PLAUR: variants seen among roughly 807,000 people sequenced by gnomAD.
PLAUR encodes plasminogen activator, urokinase receptor.
A neutral mutation model predicts 33.4 loss-of-function variants in PLAUR; 22 were observed. The observed-to-expected ratio is 0.66, with a 90% CI of 0.47 to 0.94. PLAUR has a LOEUF of 0.94. PLAUR is among the 40% of genes least tolerant of loss of function. The pLI, the probability that PLAUR is intolerant of heterozygous loss-of-function variation, is 0.00. For synonymous variants in PLAUR, 148 were observed against 167.3 expected, an observed-to-expected ratio of 0.88 and a Z score of 0.89; for missense variants, 408 against 434.7, an observed-to-expected ratio of 0.94 and a Z score of 0.55.
chr19:43,657,924 T>C (rs1411304428), intron 3 of PLAUR, among the ~76,000 whole-genome samples: 1 of 152,110 alleles, frequency 6.6e-6, no homozygotes, highest in Non-Finnish European at 1.5e-5. Flanking sequence ...TAGGGCTGGC[T>C]GGGTGCAGCA....
downstream of PLAUR, chr19:43,648,467 C>T (rs940722360): frequency 4.2e-5 from 21 of 497,348 alleles, no homozygotes; most frequent in Middle Eastern, 1.0e-3. Context: ...GACTTCCAAC[C>T]TAGGCAGGGG....
At chr19:43,651,433 A>G (rs944934721) in intron 6 of PLAUR, among the ~76,000 whole-genome samples, 10 of 150,102 alleles carry the variant, frequency 6.7e-5, no homozygotes, top group African/African-American at 2.4e-4. Context: ...ATAAACAATA[A>G]AGAGTTTTTT....
At chr19:43,662,513 A>G (rs1967046200) in intron 3 of PLAUR, among the ~76,000 whole-genome samples, 1 of 152,036 alleles carries the variant, frequency 6.6e-6, no homozygotes, top group South Asian at 2.1e-4. Context: ...ATAAATAAAT[A>G]AATAATTGCG....
At position 43,667,630 on chromosome 19, in the gene PLAUR, G is replaced by T; in HGVS notation, c.117C>A (p.Cys39Ter). Residue 39 changes from cysteine (C) to a stop codon, truncating the protein, a stop_gained, in exon 2 of 7, where the codon TGC becomes TGA. Transcript: ENST00000340093. LOFTEE classifies it high-confidence loss of function. ...TCCTGCAGAGGTCCTGTCCCAGGGC[G>T]CACTCTTCCACACGGCAATCCCCGT... Reference protein sequence around the residue: ...KTNGDCRVEECALGQDLCRTT... With the variant: ...KTNGDCRVEE 1 of 1,613,986 alleles carries T rather than the reference G, an allele frequency of 6.2e-7. No homozygotes were observed. The highest frequency in any genetic ancestry group is 1.1e-5 in the South Asian group (1 of 91,076).
chr19:43,646,247 T>C, downstream of PLAUR: 2 of 509,258 alleles, frequency 3.9e-6, no homozygotes, highest in South Asian at 4.5e-5. Context: ...CCTTCCATGA[T>C]GTTTTGATAT....
At chr19:43,664,461 T>C (rs1967140314) in intron 3 of PLAUR, among the ~76,000 whole-genome samples, 1 of 152,214 alleles carries the variant, frequency 6.6e-6, no homozygotes, top group Non-Finnish European at 1.5e-5. Context: ...GTCTTTTTCT[T>C]AAAATGATCA....
chr19:43,665,275 G>T, intron 3 of PLAUR, 41 bp downstream of exon 3: 1 of 1,603,582 alleles, frequency 6.2e-7, no homozygotes, highest in Non-Finnish European at 8.5e-7. Flanking sequence ...TTGAGCTGGG[G>T]ATGGCTTGGG....
intron 6 of PLAUR, 132 bp from the exon 7 acceptor site, chr19:43,649,275 C>G: frequency 1.9e-6 from 2 of 1,028,420 alleles, no homozygotes; most frequent in Non-Finnish European, 2.8e-6. Context: ...GTTCTCAGGG[C>G]CAGGTGTGGT....
At position 43,659,237 on chromosome 19, in the gene PLAUR, C is replaced by T. The variant is rs1175073539; in HGVS notation, c.311-2597G>A. Among the ~76,000 whole-genome samples, 3 of 135,240 alleles carry T rather than the reference C, an allele frequency of 2.2e-5. No homozygotes were observed. In the Admixed American group the frequency reaches 2.6e-4, roughly 12 times the overall value. 88.7% of individuals were successfully genotyped at this position (135,240 alleles called of 152,430 possible). On this transcript the variant is annotated intron_variant, in intron 3 of 6. Coordinates refer to ENST00000340093, the MANE Select transcript of PLAUR (RefSeq NM_002659.4). ...GGAGTGCAGTGGCTCACTGCCACCT[C>T]GACCTCCCTGAGCTCAGGTGATTCT...
intron 5 of PLAUR, among the ~76,000 whole-genome samples, chr19:43,654,731 C>T (rs940577978): frequency 9.9e-5 from 15 of 150,924 alleles, no homozygotes; most frequent in African/African-American, 3.7e-4. Context: ...GAGACCCTGT[C>T]CCCCCCATAC....
At chr19:43,659,930 C>T (rs1451667680) in intron 3 of PLAUR, among the ~76,000 whole-genome samples, 1 of 152,062 alleles carries the variant, frequency 6.6e-6, no homozygotes, top group Non-Finnish European at 1.5e-5. Flanking sequence ...AAAACATATC[C>T]TTTCTTCTGT....
rs1422231952 is a variant in PLAUR at position 43,656,514 on chromosome 19, T to A, written c.437A>T (p.Asp146Val). 1.9e-6 allele frequency: 3 copies of A among 1,608,836 alleles called. No homozygotes were observed. Among genetic ancestry groups the A allele is most frequent in the Non-Finnish European group, 2.5e-6 (3 of 1,176,938 alleles). The change falls in exon 4 of 7, where the codon GAT (aspartate) becomes GTT (valine). Residue 146 changes from aspartate (D) to valine (V), a missense_variant. By Grantham distance (152) the Asp-to-Val change is radical. Transcript: ENST00000340093. ...TTCCTGGATCCAGTGGGTCACCACA[T>A]CCAGGCACTGTTCTTCAGGGCTGCG... Reference protein sequence around the residue: ...QCRSPEEQCLDVVTHWIQEGE... With the variant: ...QCRSPEEQCLVVVTHWIQEGE...
rs1974314413 is a variant in PLAUR, at chr19:43,658,808, C to T, written c.311-2168G>A. ...CATTTACATCCAAAGCCCAATCGTC[C>T]CCCTCAAAGAAAAATAACTACAAGG... On this transcript the variant is annotated intron_variant, in intron 3 of 6. Coordinates refer to ENST00000340093, the MANE Select transcript of PLAUR (RefSeq NM_002659.4). 2.0e-5 allele frequency among the ~76,000 whole-genome samples: 3 copies of T among 152,116 alleles called. No individual in the cohort carries two copies. In the South Asian group the frequency reaches 6.2e-4, roughly 32 times the overall value.
In PLAUR at chr19:43,650,008, C is replaced by CTTT. The variant is rs200384971; in HGVS notation, c.755-868_755-866dup. ...AAATAATGCCAGTTTTCTCATTACG[C>CTTT]TTTTTTTTTGTTTTTTTTTTTGAGA... On this transcript the variant is annotated intron_variant, in intron 6 of 6. Transcript: ENST00000340093. Among the ~76,000 whole-genome samples the CTTT allele has an allele frequency of 2.3e-3, 319 of 137,262 alleles. 3 individuals carry two copies. The highest frequency in any genetic ancestry group is 7.9e-3 in the Middle Eastern group (2 of 252). The allele number at this position is 137,262 out of a possible 152,430, so 90.0% of individuals were successfully genotyped here. A position where few individuals can be genotyped will look rare whatever the true frequency, so the allele number is the denominator to read the frequency against.
chr19:43,667,410 A>G, intron 2 of PLAUR, 171 bp downstream of exon 2: 1 of 615,102 alleles, frequency 1.6e-6, no homozygotes, highest in Admixed American at 2.6e-5. Flanking sequence ...ATCCTTACTA[A>G]CCCGGGTATT....
At chr19:43,656,442 A>G (rs1460163801) in intron 4 of PLAUR, 37 bp downstream of exon 4, 10 of 1,542,390 alleles carry the variant, frequency 6.5e-6, no homozygotes, top group Non-Finnish European at 8.8e-6. Flanking sequence ...GGAGGAGCAG[A>G]GCAGGGAGGA....
intron 2 of PLAUR, chr19:43,667,374 AC>A (rs1467752368): frequency 1.7e-6 from 1 of 587,650 alleles, no homozygotes. Context: ...TTACTCCCCC[AC>A]CACAGACACG....
intron 3 of PLAUR, among the ~76,000 whole-genome samples, chr19:43,657,544 C>T (rs753526509): frequency 1.3e-5 from 2 of 152,218 alleles, no homozygotes; most frequent in Admixed American, 6.5e-5. Context: ...CCTTCCCTAA[C>T]TCCTACTCAT....
rs1436284214 is a variant in PLAUR at position 43,655,593 on chromosome 19, G to A, written c.473-20C>T. 2 of 1,606,022 alleles carry A rather than the reference G, an allele frequency of 1.2e-6. No homozygotes were observed. Among genetic ancestry groups the A allele is most frequent in the South Asian group, 2.2e-5 (2 of 90,442 alleles). On this transcript the variant is annotated intron_variant, in intron 4 of 6. Coordinates refer to ENST00000340093, the MANE Select transcript of PLAUR (RefSeq NM_002659.4). ...GACGCCCTATGGGGGCCAGGGGACAGAGGTCAGATGTCAGATTGTGAATGA... is the reference window on the plus strand; with the variant it reads ...GACGCCCTATGGGGGCCAGGGGACAAAGGTCAGATGTCAGATTGTGAATGA...
Sources: allele counts gnomAD v4.1 joint callset (sites outside exome capture counted in the v4.1 genomes callset), GRCh38; gene constraint gnomAD v4.1.1; transcripts MANE v1.5; gene names NCBI Gene and HGNC (gene_info 2026-07-23, HGNC 2026-07-21).